RBFOX3: variants seen among roughly 807,000 people sequenced by gnomAD.
RBFOX3 encodes the protein RNA binding protein fox-1 homolog 3.
Under a neutral mutation model 48.7 loss-of-function variants are expected in RBFOX3, and 17 were observed. The observed-to-expected ratio is 0.35, with a 90% CI of 0.24 to 0.52. The LOEUF (loss-of-function observed/expected upper bound fraction) is 0.52. Among genes scored for constraint, RBFOX3 ranks in the 20% least tolerant of loss-of-function variants. RBFOX3 has a pLI of 0.94. For missense variants in RBFOX3, 382 were observed against 497.5 expected, an observed-to-expected ratio of 0.77 and a Z score of 2.21; for synonymous variants, 212 against 209.5, an observed-to-expected ratio of 1.01 and a Z score of -0.10.
At chr17:79,395,613 T>C (rs937479087) in intron 2 of RBFOX3, among the ~76,000 whole-genome samples, 1 of 152,204 alleles carries the variant, frequency 6.6e-6, no homozygotes, top group Non-Finnish European at 1.5e-5. Context: ...TGGCAGTTAG[T>C]GTGTGCCGGG....
chr17:79,274,515 T>A (rs182359344), intron 3 of RBFOX3, among the ~76,000 whole-genome samples: 197 of 152,222 alleles, frequency 1.3e-3, no homozygotes, highest in Middle Eastern at 3.4e-3. Flanking sequence ...AGCTTCCGTA[T>A]CTGGGCGGGG....
At chr17:79,346,282 T>C (rs958698402) in intron 2 of RBFOX3, among the ~76,000 whole-genome samples, 5 of 152,202 alleles carry the variant, frequency 3.3e-5, no homozygotes, top group African/African-American at 1.2e-4. Context: ...TTTCAAAATA[T>C]GGTGTGAGGT....
chr17:79,094,084 T>G (rs1393095120), intron 14 of RBFOX3, among the ~76,000 whole-genome samples: 2 of 152,070 alleles, frequency 1.3e-5, no homozygotes, highest in African/African-American at 2.4e-5. Context: ...GAGCCTCTGC[T>G]GGGAAGGAGA....
At chr17:79,323,247 C>T (rs1170586736) in intron 2 of RBFOX3, among the ~76,000 whole-genome samples, 2 of 152,174 alleles carry the variant, frequency 1.3e-5, no homozygotes, top group Non-Finnish European at 2.9e-5. Context: ...TTGTTTTCCA[C>T]AATATCAAGA....
chr17:79,601,809 C>T (rs2093710764), intron 1 of RBFOX3: 1 of 152,196 alleles, frequency 6.6e-6, no homozygotes, highest in Non-Finnish European at 1.5e-5. Flanking sequence ...TTGTGCCCGT[C>T]TGTTCTGGAG....
At chr17:79,518,735 AGCAACACGGT>A (rs2085624075) in intron 1 of RBFOX3, among the ~76,000 whole-genome samples, 1 of 152,244 alleles carries the variant, frequency 6.6e-6, no homozygotes, top group Non-Finnish European at 1.5e-5. Flanking sequence ...CCCTAACAGA[AGCAACACGGT>A]GCAGAGTAGG....
rs369991041 is a variant in RBFOX3, at chr17:79,406,246, ACT to A, written c.-175+76206_-175+76207del. 7.4e-3 allele frequency among the ~76,000 whole-genome samples: 1,123 copies of A among 152,098 alleles called. 14 individuals are homozygous for A. Among genetic ancestry groups the A allele is most frequent in the Middle Eastern group, 0.017 (5 of 294 alleles). ...ATGGAAACCAGGCAGAGACAAGCAAACTCTCTTTTTGCTCGTTCTCCCAGCTG... is the reference window on the plus strand; with the variant it reads ...ATGGAAACCAGGCAGAGACAAGCAAACTCTTTTTGCTCGTTCTCCCAGCTG... On this transcript the variant is annotated intron_variant, in intron 2 of 14. Transcript: ENST00000693108.
At position 79,378,021 on chromosome 17, in the gene RBFOX3, T is replaced by G. The variant is rs545165206; in HGVS notation, c.-174-70197A>C. Among the ~76,000 whole-genome samples, 175 of 152,340 alleles carry G rather than the reference T, an allele frequency of 1.1e-3. 2 individuals are homozygous for G. Among genetic ancestry groups the G allele is most frequent in the African/African-American group, 3.9e-3 (164 of 41,576 alleles). On this transcript the variant is annotated intron_variant, in intron 2 of 14. Transcript: ENST00000693108. ...AGGAATATATTCATTTTTATACCAA[T>G]GCAGTCACAAACTATAATATTTCTT... is the stretch of plus-strand genomic sequence containing the variant.
chr17:79,164,709 C>T (rs1029196545), intron 4 of RBFOX3, among the ~76,000 whole-genome samples: 3 of 152,184 alleles, frequency 2.0e-5, no homozygotes, highest in African/African-American at 7.2e-5. Context: ...AGTGGGAAGG[C>T]CGGGGGTCCA....
chr17:79,218,431 G>A (rs867826475), intron 4 of RBFOX3, among the ~76,000 whole-genome samples: 5 of 152,266 alleles, frequency 3.3e-5, no homozygotes, highest in South Asian at 2.1e-4. Context: ...ATCAGGTTCC[G>A]TCCCATCCCA....
chr17:79,107,823 G>A (rs2077691343), intron 5 of RBFOX3, among the ~76,000 whole-genome samples: 1 of 152,186 alleles, frequency 6.6e-6, no homozygotes, highest in Admixed American at 6.5e-5. Flanking sequence ...CTGGCAAGGC[G>A]GGTGGGTGGC....
chr17:79,537,120 A>AC (rs1456228219), intron 1 of RBFOX3, among the ~76,000 whole-genome samples: 6 of 143,014 alleles, frequency 4.2e-5, no homozygotes, highest in Admixed American at 6.9e-5. Flanking sequence ...CAAAAAACAA[A>AC]AAAAAAAAAA....
intron 2 of RBFOX3, among the ~76,000 whole-genome samples, chr17:79,336,020 G>A (rs2081137395): frequency 6.6e-6 from 1 of 152,162 alleles, no homozygotes. Flanking sequence ...CTCCCTCTGT[G>A]CTGTTTGCCA....
rs1362222746 is a variant in RBFOX3 at position 79,243,920 on chromosome 17, G to A, written c.-73-8115C>T. The stretch of plus-strand genomic sequence containing the variant: ...CCTGCGGTCCCAGAGGTAGGGGGCA[G>A]GTGGGAGGCCCAGTGTGGCATCTCT... On this transcript the variant is annotated intron_variant, in intron 3 of 14. Transcript: ENST00000693108. This position sits in a 1 kb window ranked among gnomAD's most constrained non-coding sequence, Gnocchi z 7.9. 6.6e-6 allele frequency among the ~76,000 whole-genome samples: 1 copy of A among 152,156 alleles called. No individual in the cohort carries two copies. Among genetic ancestry groups the A allele is most frequent in the Non-Finnish European group, 1.5e-5 (1 of 68,020 alleles).
At chr17:79,660,691 G>T in the RBFOX3 span, among the ~76,000 whole-genome samples, 2 of 152,210 alleles carry the variant, frequency 1.3e-5, no homozygotes, top group Non-Finnish European at 2.9e-5. Flanking sequence ...TTACCCTGTT[G>T]GTGAGAGTGT....
Position 79,473,496 on chromosome 17 carries a change from C to T in RBFOX3, c.-175+8958G>A, listed in dbSNP as rs1209494217. Among the ~76,000 whole-genome samples, 1 of 152,232 alleles carries T rather than the reference C, an allele frequency of 6.6e-6. No homozygotes were observed. The highest frequency in any genetic ancestry group is 1.5e-5 in the Non-Finnish European group (1 of 68,038). On this transcript the variant is annotated intron_variant, in intron 2 of 14. Coordinates refer to ENST00000693108, the MANE Select transcript of RBFOX3 (RefSeq NM_001350451.2). The surrounding 1 kb of genome is among the most constrained non-coding windows in gnomAD (Gnocchi z 4.2). Reference sequence around the variant, plus strand: ...ACGTCAGCCTGATGGATTTCCAGGCCTTGCATACTGTTCTGGACACTCCAG... The same window carrying T: ...ACGTCAGCCTGATGGATTTCCAGGCTTTGCATACTGTTCTGGACACTCCAG...
chr17:79,476,363 G>A (rs943347653), intron 2 of RBFOX3, among the ~76,000 whole-genome samples: 6 of 152,296 alleles, frequency 3.9e-5, no homozygotes, highest in South Asian at 2.1e-4. Flanking sequence ...ATATTGGCCC[G>A]TTTTTCTATT....
At chr17:79,337,941 A>ATTT (rs1159109203) in intron 2 of RBFOX3, among the ~76,000 whole-genome samples, 8 of 139,932 alleles carry the variant, frequency 5.7e-5, no homozygotes, top group African/African-American at 1.8e-4. Context: ...ACTTCTCCAG[A>ATTT]TTTTTTTTTT....
chr17:79,170,029 G>T (rs1472110749), intron 4 of RBFOX3, among the ~76,000 whole-genome samples: 1 of 146,158 alleles, frequency 6.8e-6, no homozygotes, highest in South Asian at 2.2e-4. Context: ...AGGGCAGGAA[G>T]GAGAGAAGGA....
Sources: gnomAD v4.1 joint callset for allele counts (sites outside exome capture counted in the v4.1 genomes callset) on GRCh38, gnomAD v4.1.1 for gene constraint, Gnocchi (gnomAD v3.1) non-coding constraint, MANE v1.5 for transcripts, NCBI Gene and HGNC (gene_info 2026-07-23, HGNC 2026-07-21) for gene names.